Variants in PRAG1 observed in about 807,000 individuals in gnomAD.
PRAG1 encodes the protein PEAK1 related, kinase-activating pseudokinase 1, also known as inactive tyrosine-protein kinase PRAG1.
A neutral mutation model predicts 95.6 loss-of-function variants in PRAG1; 110 were observed. That is an observed-to-expected ratio of 1.15 (90% CI 0.99 to 1.35). The LOEUF is 1.35. Ranked by LOEUF, PRAG1 falls within the 40% of genes most tolerant of loss-of-function variation. The pLI, the probability that PRAG1 is intolerant of heterozygous loss-of-function variation, is 0.00. For missense variants in PRAG1, 2,554 were observed against 1,864.7 expected (o/e 1.37, Z -6.81); for synonymous variants, 1,052 against 819.4 (o/e 1.28, Z -4.85).
At chr8:8,383,585 A>C (rs1406613524) in intron 1 of PRAG1, among the ~76,000 whole-genome samples, 1 of 152,142 alleles carries the variant, frequency 6.6e-6, no homozygotes. Context: ...CTGTCTAAAA[A>C]AACAAAAAAA....
chr8:8,336,236 G>C (rs1042929087), intron 4 of PRAG1, among the ~76,000 whole-genome samples: 12 of 152,234 alleles, frequency 7.9e-5, no homozygotes, highest in Middle Eastern at 3.4e-3. Context: ...GAATTTTAAT[G>C]GTATCCTACA....
chr8:8,381,315 C>T (rs1800635079), intron 2 of PRAG1, 103 bp downstream of exon 2: 2 of 1,143,390 alleles, frequency 1.7e-6, no homozygotes, highest in Non-Finnish European at 2.5e-6. Flanking sequence ...AGCTATCCTG[C>T]AGGTTTCTTG....
chr8:8,319,032 GC>G lies in PRAG1; in HGVS notation c.3342del (p.Glu1114AspfsTer23). The stretch of plus-strand genomic sequence containing the variant: ...CACACGCGCCGCTCGTACGCCTCGG[GC>G]TCCGCCTGGTGGCTGGCCGCCGAGT... ...VRDSAASHQA[E>X]PEAYERRVCF... is the part of the protein sequence containing the mutation. On this transcript the variant is annotated frameshift_variant, in exon 6 of 6. Coordinates refer to ENST00000615670, the MANE Select transcript of PRAG1 (RefSeq NM_001080826.3). LOFTEE classifies it high-confidence loss of function. 6.2e-7 allele frequency: 1 copy of G among 1,613,272 alleles called. No individual in the cohort carries two copies. The highest frequency in any genetic ancestry group is 8.5e-7 in the Non-Finnish European group (1 of 1,179,830).
At chr8:8,365,955 G>A (rs922168489) in intron 3 of PRAG1, among the ~76,000 whole-genome samples, 2 of 152,022 alleles carry the variant, frequency 1.3e-5, no homozygotes, top group Admixed American at 1.3e-4. Context: ...TACAGCCTGG[G>A]TGACAGAGTG....
In PRAG1 at chr8:8,328,405, G is replaced by A; in HGVS notation, c.2377C>T (p.Pro793Ser). Residue 793 changes from proline to serine, a missense_variant, in exon 5 of 6, where the codon CCC (proline) becomes TCC (serine). Pro to Ser is a moderately conservative substitution (Grantham distance 74, BLOSUM62 -1). Coordinates refer to ENST00000615670, the MANE Select transcript of PRAG1 (RefSeq NM_001080826.3). The stretch of plus-strand genomic sequence containing the variant: ...GTGGAGCCTGAAGGAAACGGAACGG[G>A]AGCAAAGAGCTTCTTCCCGCTGTTG... ...PTNSGKKLFA[P>S]VPFPSGSTED... 2 of 1,613,786 alleles carry A rather than the reference G, an allele frequency of 1.2e-6. No individual in the cohort carries two copies. Among genetic ancestry groups the A allele is most frequent in the Non-Finnish European group, 8.5e-7 (1 of 1,180,026 alleles).
intron 3 of PRAG1, among the ~76,000 whole-genome samples, chr8:8,376,032 G>A (rs1800374256): frequency 6.6e-6 from 1 of 152,124 alleles, no homozygotes; most frequent in Non-Finnish European, 1.5e-5. Flanking sequence ...ATCCCAAGCA[G>A]GGACCACAAG....
chr8:8,343,904 C>T (rs1035131126), intron 3 of PRAG1, among the ~76,000 whole-genome samples: 9 of 151,924 alleles, frequency 5.9e-5, no homozygotes, highest in African/African-American at 2.2e-4. Context: ...TTTCTGGTAA[C>T]CACATTTAAA....
intron 2 of PRAG1, among the ~76,000 whole-genome samples, chr8:8,380,820 T>C (rs1585284016): frequency 8.3e-6 from 1 of 120,170 alleles, no homozygotes; most frequent in South Asian, 2.6e-4. Flanking sequence ...ACCACTACAC[T>C]CCAGCCTGGA....
intron 4 of PRAG1, among the ~76,000 whole-genome samples, chr8:8,334,902 G>C (rs1022722138): frequency 2.0e-5 from 3 of 151,886 alleles, no homozygotes; most frequent in African/African-American, 7.3e-5. Flanking sequence ...GGCCAACATG[G>C]CGAAACTCGT....
At chr8:8,384,056 G>A (rs1269411570) in intron 1 of PRAG1, among the ~76,000 whole-genome samples, 1 of 152,162 alleles carries the variant, frequency 6.6e-6, no homozygotes, top group Admixed American at 6.5e-5. Flanking sequence ...GATGGAGGAA[G>A]ACAGTTTGGA....
At chr8:8,320,364 T>C (rs1176668607) in intron 5 of PRAG1, among the ~76,000 whole-genome samples, 1 of 151,998 alleles carries the variant, frequency 6.6e-6, no homozygotes, top group Non-Finnish European at 1.5e-5. Flanking sequence ...GTGGGAAGCA[T>C]AGCTGGGGAT....
chr8:8,349,266 C>CTAT (rs1799442074), intron 3 of PRAG1, among the ~76,000 whole-genome samples: 1 of 149,242 alleles, frequency 6.7e-6, no homozygotes, highest in Non-Finnish European at 1.5e-5. Context: ...ATCTATCTAT[C>CTAT]TATTTATTTA....
intron 3 of PRAG1, among the ~76,000 whole-genome samples, chr8:8,344,801 C>A (rs565327124): frequency 6.6e-6 from 1 of 152,142 alleles, no homozygotes; most frequent in African/African-American, 2.4e-5. Flanking sequence ...CACAAAATAA[C>A]ACAGTGGGAT....
intron 3 of PRAG1, among the ~76,000 whole-genome samples, chr8:8,339,924 C>A (rs990332552): frequency 6.6e-6 from 1 of 152,202 alleles, no homozygotes; most frequent in African/African-American, 2.4e-5. Flanking sequence ...CTGACCCCAT[C>A]TGCCAAAACA....
chr8:8,360,886 G>A (rs150529287), intron 3 of PRAG1, among the ~76,000 whole-genome samples: 236 of 152,154 alleles, frequency 1.6e-3, no homozygotes, highest in African/African-American at 5.0e-3. Flanking sequence ...ATCCTACTGC[G>A]GTTCCTGAGC....
intron 3 of PRAG1, among the ~76,000 whole-genome samples, chr8:8,375,026 C>G (rs181745660): frequency 1.3e-5 from 2 of 151,062 alleles, no homozygotes; most frequent in East Asian, 3.9e-4. Flanking sequence ...TCGCTCTAAT[C>G]GAGAGAAATT....
At chr8:8,330,812 C>T (rs989775972) in intron 4 of PRAG1, among the ~76,000 whole-genome samples, 7 of 152,134 alleles carry the variant, frequency 4.6e-5, no homozygotes, top group Non-Finnish European at 1.0e-4. Flanking sequence ...CCTCTCCCTC[C>T]TCCCTCTAAC....
Position 8,381,640 on chromosome 8 carries a change from C to G in PRAG1, c.108G>C (p.Leu36=). The part of the protein sequence containing the change: ...KPGSCKNCFC[L]RSDHQLVAGP... ...CGGCCACCAGCTGGTGGTCGCTCCG[C>G]AGGCAGAAGCAGTTCTTGCAGGACC... Residue 36 remains leucine (L), a synonymous_variant, in exon 2 of 6, where the codon CTG becomes CTC. Transcript: ENST00000615670. The G allele has an allele frequency of 6.2e-7, 1 of 1,613,896 alleles. No individual in the cohort carries two copies. Among genetic ancestry groups the G allele is most frequent in the Non-Finnish European group, 8.5e-7 (1 of 1,179,850 alleles).
At chr8:8,345,914 G>A (rs1799325826) in intron 3 of PRAG1, among the ~76,000 whole-genome samples, 1 of 152,118 alleles carries the variant, frequency 6.6e-6, no homozygotes, top group African/African-American at 2.4e-5. Context: ...CTTTAATTAG[G>A]GCATGAGCAA....
Sources: gnomAD v4.1 joint callset for allele counts (sites outside exome capture counted in the v4.1 genomes callset) on GRCh38, gnomAD v4.1.1 for gene constraint, MANE v1.5 for transcripts, NCBI Gene and HGNC (gene_info 2026-07-23, HGNC 2026-07-21) for gene names.